The following COL13A1 variants were observed in gnomAD, a reference collection of about 807,000 sequenced individuals.
COL13A1 encodes the protein collagen type XIII alpha 1 chain.
COL13A1 carries 89 observed loss-of-function variants against 130.9 expected under a neutral mutation model. That is an observed-to-expected ratio of 0.68 (90% CI 0.57 to 0.81). COL13A1 has a LOEUF of 0.81. Among genes scored for constraint, COL13A1 ranks in the 30% least tolerant of loss-of-function variants. The pLI is 0.00. For synonymous variants in COL13A1, 402 were observed against 341.6 expected (o/e 1.18, Z -1.95); for missense variants, 879 against 934.6 (o/e 0.94, Z 0.78).
intron 21 of COL13A1, among the ~76,000 whole-genome samples, chr10:69,920,436 C>T (rs528944768): frequency 6.6e-6 from 1 of 152,294 alleles, no homozygotes; most frequent in African/African-American, 2.4e-5. Flanking sequence ...TGAATATGTC[C>T]ATCCCAGACC....
rs547215386 is a variant in COL13A1 at position 69,914,850 on chromosome 10, G to A, written c.922-2439G>A. Reference sequence around the variant, plus strand: ...TCACGCCCTCTGCTGGCCACAGAGCGGCTGTGCACACAGGCAGTGAGCTTT... The same window carrying A: ...TCACGCCCTCTGCTGGCCACAGAGCAGCTGTGCACACAGGCAGTGAGCTTT... On this transcript the variant is annotated intron_variant, in intron 17 of 40. Transcript: ENST00000645393. Among the ~76,000 whole-genome samples, 82 of 152,350 alleles carry A rather than the reference G, an allele frequency of 5.4e-4. 1 individual carries two copies. Among genetic ancestry groups the A allele is most frequent in the African/African-American group, 1.8e-3 (76 of 41,586 alleles).
chr10:69,843,298 G>A (rs1242765913), intron 2 of COL13A1, among the ~76,000 whole-genome samples: 1 of 152,164 alleles, frequency 6.6e-6, no homozygotes, highest in Non-Finnish European at 1.5e-5. Flanking sequence ...TAAAGGGTGA[G>A]AGTGCAGAAT....
At chr10:69,950,673 AT>A (rs1224189690) in intron 38 of COL13A1, among the ~76,000 whole-genome samples, 1 of 152,224 alleles carries the variant, frequency 6.6e-6, no homozygotes, top group African/African-American at 2.4e-5. Flanking sequence ...CTTCAGGCCG[AT>A]GGGAATATAC....
intron 2 of COL13A1, among the ~76,000 whole-genome samples, chr10:69,855,548 G>T (rs1856186265): frequency 6.6e-6 from 1 of 152,046 alleles, no homozygotes; most frequent in Non-Finnish European, 1.5e-5. Context: ...ATTACTAATT[G>T]CTGTATATGT....
chr10:69,827,889 G>T (rs1847881946), intron 2 of COL13A1, among the ~76,000 whole-genome samples: 1 of 152,118 alleles, frequency 6.6e-6, no homozygotes, highest in Non-Finnish European at 1.5e-5. Context: ...CCCCTGTGCT[G>T]CAGCAGCGCA....
chr10:69,854,110 C>A (rs1356591882), intron 2 of COL13A1, among the ~76,000 whole-genome samples: 1 of 152,252 alleles, frequency 6.6e-6, no homozygotes, highest in Non-Finnish European at 1.5e-5. Context: ...AACCCCACAT[C>A]CCTGGCACGT....
intron 4 of COL13A1, 47 bp from the exon 5 acceptor site, chr10:69,875,081 G>C (rs1169287871): frequency 6.2e-7 from 1 of 1,613,626 alleles, no homozygotes. Context: ...TCACATGCTA[G>C]CCTGGTTCCA....
At chr10:69,813,500 G>A (rs1005941695) in intron 1 of COL13A1, among the ~76,000 whole-genome samples, 20 of 152,174 alleles carry the variant, frequency 1.3e-4, no homozygotes, top group African/African-American at 4.6e-4. Context: ...GGAGACAGAG[G>A]CAGTATGTGG....
chr10:69,888,283 A>C, intron 8 of COL13A1, 21 bp from the exon 9 acceptor site: 1 of 1,612,600 alleles, frequency 6.2e-7, no homozygotes, highest in East Asian at 2.2e-5. Context: ...CAGTCTTTAC[A>C]TCTGGCCTTT....
chr10:69,815,554 G>A (rs1489073920), intron 1 of COL13A1, among the ~76,000 whole-genome samples: 3 of 152,130 alleles, frequency 2.0e-5, no homozygotes, highest in Non-Finnish European at 4.4e-5. Context: ...GATGTCAAGG[G>A]GGCCAGGCTG....
At chr10:69,865,849 T>C (rs1413406646) in intron 2 of COL13A1, among the ~76,000 whole-genome samples, 1 of 152,082 alleles carries the variant, frequency 6.6e-6, no homozygotes, top group Non-Finnish European at 1.5e-5. Context: ...GCTTTCTGAA[T>C]GAGAGACAGA....
intron 38 of COL13A1, among the ~76,000 whole-genome samples, chr10:69,948,434 A>G (rs934207920): frequency 3.3e-5 from 5 of 152,164 alleles, no homozygotes; most frequent in African/African-American, 1.2e-4. Context: ...TTTGTCCCGC[A>G]TCTTCTATAA....
chr10:69,812,325 A>G (rs867162168), intron 1 of COL13A1, among the ~76,000 whole-genome samples: 1 of 152,198 alleles, frequency 6.6e-6, no homozygotes, highest in Non-Finnish European at 1.5e-5. Context: ...TCTGCCAGTT[A>G]CTGCCTATGT....
At chr10:69,917,377 C>G (rs755670131) in intron 18 of COL13A1, 44 bp downstream of exon 18, 10 of 1,544,076 alleles carry the variant, frequency 6.5e-6, no homozygotes, top group Non-Finnish European at 8.9e-6. Flanking sequence ...CAAGGCCCCT[C>G]CCCCAGTGCC....
At chr10:69,804,089 G>A (rs544484999) in intron 1 of COL13A1, among the ~76,000 whole-genome samples, 45 of 152,268 alleles carry the variant, frequency 3.0e-4, no homozygotes, top group African/African-American at 1.1e-3. Flanking sequence ...CAGGCTCCAG[G>A]GAATCCGGAG....
intron 2 of COL13A1, among the ~76,000 whole-genome samples, chr10:69,849,344 G>A (rs568890338): frequency 5.3e-5 from 8 of 152,116 alleles, no homozygotes; most frequent in African/African-American, 1.2e-4. Flanking sequence ...GATGGGGAGC[G>A]GGGGTGGGGG....
At chr10:69,932,912 G>A (rs1293810317) in intron 31 of COL13A1, among the ~76,000 whole-genome samples, 2 of 151,966 alleles carry the variant, frequency 1.3e-5, no homozygotes, top group African/African-American at 4.8e-5. Context: ...TGAGGCAGGC[G>A]GATCACCTGA....
chr10:69,841,776 G>T (rs1165053291), intron 2 of COL13A1, among the ~76,000 whole-genome samples: 7 of 152,318 alleles, frequency 4.6e-5, no homozygotes, highest in Non-Finnish European at 1.0e-4. Context: ...ACCAGGTAAA[G>T]GGCAGGGAAA....
chr10:69,887,107 T>C (rs935239976), intron 7 of COL13A1, among the ~76,000 whole-genome samples: 2 of 152,208 alleles, frequency 1.3e-5, no homozygotes. Context: ...AGGAGTTCCA[T>C]GTGCTGCGGG....
Sources: gnomAD v4.1 joint callset for allele counts (sites outside exome capture counted in the v4.1 genomes callset) on GRCh38, gnomAD v4.1.1 for gene constraint, MANE v1.5 for transcripts, NCBI Gene and HGNC (gene_info 2026-07-23, HGNC 2026-07-21) for gene names.